Variants in ADAMTS20 observed in about 807,000 individuals in gnomAD.
ADAMTS20 encodes the protein ADAM metallopeptidase with thrombospondin type 1 motif 20, also known as A disintegrin and metalloproteinase with thrombospondin motifs 20.
Under a neutral mutation model 260.1 loss-of-function variants are expected in ADAMTS20, and 225 were observed. The ratio of observed to expected loss-of-function variants is 0.87; its 90% CI spans 0.78 to 0.97. The LOEUF (loss-of-function observed/expected upper bound fraction) is 0.97. ADAMTS20 is among the 50% of genes least tolerant of loss of function. The probability of loss-of-function intolerance (pLI) is 0.00; values close to 1 mark genes in which losing one functional copy is unlikely to be tolerated. For synonymous variants in ADAMTS20, 802 were observed against 769.5 expected (o/e 1.04, Z -0.70); for missense variants, 2,400 against 2,337.7 (o/e 1.03, Z -0.55).
rs1180588896 is a variant in ADAMTS20 at position 43,509,219 on chromosome 12, G to A, written c.614-6814C>T. The stretch of plus-strand genomic sequence containing the variant: ...AAATAGTGCCGCGATGAATATATGT[G>A]TGCATTTATCTTTATAATAGAATGA... On this transcript the variant is annotated intron_variant, in intron 3 of 38. Transcript: ENST00000389420. Among the ~76,000 whole-genome samples, 4 of 152,132 alleles carry A rather than the reference G, an allele frequency of 2.6e-5. No homozygotes were observed. The East Asian group carries it at 5.8e-4, about 22-fold the overall frequency.
intron 3 of ADAMTS20, among the ~76,000 whole-genome samples, chr12:43,527,477 A>G (rs981351342): frequency 2.0e-5 from 3 of 152,216 alleles, no homozygotes; most frequent in African/African-American, 7.2e-5. Flanking sequence ...AAAGACATCA[A>G]AAAGATAATA....
At chr12:43,367,283 A>G (rs971754093) in intron 37 of ADAMTS20, among the ~76,000 whole-genome samples, 9 of 152,060 alleles carry the variant, frequency 5.9e-5, no homozygotes, top group African/African-American at 2.2e-4. Context: ...AATATGAATG[A>G]AATATTCTCA....
intron 2 of ADAMTS20, among the ~76,000 whole-genome samples, chr12:43,542,172 G>A (rs536890878): frequency 2.6e-4 from 40 of 152,274 alleles, no homozygotes; most frequent in African/African-American, 7.9e-4. Flanking sequence ...TGGGGTCTGC[G>A]TAGTGGTCCT....
At chr12:43,510,583 A>T (rs1942908672) in intron 3 of ADAMTS20, among the ~76,000 whole-genome samples, 1 of 152,082 alleles carries the variant, frequency 6.6e-6, no homozygotes, top group Admixed American at 6.6e-5. Context: ...TATGTAATAC[A>T]TCCCTTTCTA....
chr12:43,452,563 G>A lies in ADAMTS20; in HGVS notation c.1893C>T (p.Asp631=). ...TCACATTAGAGGGAATGCCACTGAT[G>A]TCCAAATGTTTACCATTAAAATCAG... The part of the protein sequence containing the change: ...QCSDFNGKHL[D]ISGIPSNVRW... Residue 631 remains aspartate, a synonymous_variant, in exon 13 of 39, where the codon GAC becomes GAT. Coordinates refer to ENST00000389420, the MANE Select transcript of ADAMTS20 (RefSeq NM_025003.5). The A allele has an allele frequency of 1.2e-6, 2 of 1,613,584 alleles. No individual in the cohort carries two copies. Among genetic ancestry groups the A allele is most frequent in the Non-Finnish European group, 1.7e-6 (2 of 1,179,694 alleles).
Position 43,492,579 on chromosome 12 carries a change from A to T in ADAMTS20, c.1002T>A (p.Cys334Ter), listed in dbSNP as rs530488975. Reference protein sequence around the residue: ...FDGATTLKNFCSWQQTQNDLD... With the variant: ...FDGATTLKNF ...GGTCATTCTGAGTTTGTTGCCATGA[A>T]CAAAAGTTCTTTAATGTGGTAGCAC... is the stretch of plus-strand genomic sequence containing the variant. The change falls in exon 6 of 39, where the codon TGT becomes TGA. Residue 334 changes from cysteine to a stop codon, truncating the protein, a stop_gained. Transcript: ENST00000389420. LOFTEE classifies it high-confidence loss of function. 8.7e-6 allele frequency: 14 copies of T among 1,613,870 alleles called. No individual in the cohort carries two copies. In the East Asian group the frequency reaches 2.7e-4, roughly 31 times the overall value.
intron 17 of ADAMTS20, 66 bp downstream of exon 17, chr12:43,439,831 G>A (rs1941627240): frequency 6.4e-7 from 1 of 1,553,700 alleles, no homozygotes; most frequent in African/African-American, 1.4e-5. Context: ...ATAATGTTAA[G>A]CACTTAACCA....
At position 43,375,459 on chromosome 12, in the gene ADAMTS20, TCA is replaced by T; in HGVS notation, c.5364_5365del (p.Cys1788Ter). 1.2e-6 allele frequency: 2 copies of T among 1,613,366 alleles called. No homozygotes were observed. Among genetic ancestry groups the T allele is most frequent in the East Asian group, 2.2e-5 (1 of 44,834 alleles). On this transcript the variant is annotated stop_gained and frameshift_variant, in exon 36 of 39. Transcript: ENST00000389420. LOFTEE classifies it high-confidence loss of function. ...AGCAGCTAAGTGTCCATTGTCACAT[TCA>T]CAGTCTTCCCTTCTACTCCCATTAA...
intron 2 of ADAMTS20, among the ~76,000 whole-genome samples, chr12:43,541,277 G>A (rs745349322): frequency 2.3e-4 from 35 of 152,060 alleles, no homozygotes; most frequent in Admixed American, 8.5e-4. Context: ...TGAGTTCTGG[G>A]TTTGTACTCA....
At chr12:43,528,538 A>C (rs1411566007) in intron 3 of ADAMTS20, among the ~76,000 whole-genome samples, 1 of 152,002 alleles carries the variant, frequency 6.6e-6, no homozygotes, top group Non-Finnish European at 1.5e-5. Context: ...TCTTTGACAA[A>C]GCATACTACA....
chr12:43,422,059 G>A (rs971478445), intron 28 of ADAMTS20, among the ~76,000 whole-genome samples: 4 of 151,856 alleles, frequency 2.6e-5, no homozygotes, highest in South Asian at 2.1e-4. Flanking sequence ...ACTAATAAAC[G>A]GGTTAAAATA....
chr12:43,394,968 T>G (rs1419307161), intron 29 of ADAMTS20, among the ~76,000 whole-genome samples: 3 of 152,124 alleles, frequency 2.0e-5, no homozygotes, highest in Non-Finnish European at 4.4e-5. Context: ...TTCTTCTCAT[T>G]TTTTTACTTT....
chr12:43,440,184 C>A, intron 16 of ADAMTS20, 115 bp from the exon 17 acceptor site: 1 of 775,106 alleles, frequency 1.3e-6, no homozygotes, highest in Non-Finnish European at 2.0e-6. Context: ...TGCTGTATCT[C>A]CCAGGCTGGA....
At chr12:43,366,947 A>G (rs928026805) in intron 37 of ADAMTS20, among the ~76,000 whole-genome samples, 1 of 152,012 alleles carries the variant, frequency 6.6e-6, no homozygotes, top group Non-Finnish European at 1.5e-5. Context: ...ACAACCAATT[A>G]GTCAACTTAG....
intron 31 of ADAMTS20, among the ~76,000 whole-genome samples, chr12:43,380,333 C>T (rs1940322316): frequency 6.6e-6 from 1 of 152,004 alleles, no homozygotes; most frequent in South Asian, 2.1e-4. Context: ...AGTTAGCATA[C>T]TGAATTAGGA....
chr12:43,473,964 A>G (rs1419513632), intron 7 of ADAMTS20, among the ~76,000 whole-genome samples: 2 of 131,166 alleles, frequency 1.5e-5, no homozygotes, highest in Non-Finnish European at 3.2e-5. Flanking sequence ...AAAAGCTAGC[A>G]GAAGGCAAGA....
intron 11 of ADAMTS20, among the ~76,000 whole-genome samples, chr12:43,457,232 T>C (rs1318062493): frequency 6.6e-6 from 1 of 152,200 alleles, no homozygotes; most frequent in Non-Finnish European, 1.5e-5. Flanking sequence ...TGTTCTCATT[T>C]TCTTCTGTTG....
At chr12:43,372,484 G>A (rs1331059677) in intron 36 of ADAMTS20, among the ~76,000 whole-genome samples, 2 of 152,156 alleles carry the variant, frequency 1.3e-5, no homozygotes, top group African/African-American at 4.8e-5. Context: ...TGGGGAAAGA[G>A]AATTGGAGAG....
Position 43,452,663 on chromosome 12 carries a change from C to G in ADAMTS20, c.1793G>C (p.Arg598Pro), listed in dbSNP as rs372581152. ...ATTACATGATCGAAATTTCATCCTG[C>G]GGCCCACACAGTAATTTCCTCCGTT... ...PRNGGNYCVG[R>P]RMKFRSCNTD... is the part of the protein sequence containing the mutation. The change falls in exon 13 of 39, where the codon CGC (arginine) becomes CCC (proline). Residue 598 changes from arginine to proline, a missense_variant. Transcript: ENST00000389420. 1.9e-6 allele frequency: 3 copies of G among 1,610,206 alleles called. No individual in the cohort carries two copies. The highest frequency in any genetic ancestry group is 2.5e-6 in the Non-Finnish European group (3 of 1,177,856).
Sources: allele counts gnomAD v4.1 joint callset (sites outside exome capture counted in the v4.1 genomes callset), GRCh38; gene constraint gnomAD v4.1.1; transcripts MANE v1.5; gene names NCBI Gene and HGNC (gene_info 2026-07-23, HGNC 2026-07-21).